Variants in SOX5 observed in about 807,000 individuals in gnomAD.
SOX5 encodes the protein transcription factor SOX-5.
Under a neutral mutation model 92.0 loss-of-function variants are expected in SOX5, and 9 were observed. That is an observed-to-expected ratio of 0.10 (90% CI 0.06 to 0.17). The LOEUF (loss-of-function observed/expected upper bound fraction) is 0.17. SOX5 is among the 10% of genes least tolerant of loss of function. The pLI is 1.00. For missense variants in SOX5, 642 were observed against 944.5 expected, an observed-to-expected ratio of 0.68 and a Z score of 4.20; for synonymous variants, 344 against 336.3, an observed-to-expected ratio of 1.02 and a Z score of -0.25.
chr12:23,935,333 T>C (rs1016179644), intron 1 of SOX5, among the ~76,000 whole-genome samples: 1 of 151,224 alleles, frequency 6.6e-6, no homozygotes, highest in Admixed American at 6.6e-5. Context: ...CATCAACTTT[T>C]CTAAATCAAT....
chr12:23,591,462 T>C (rs1440270309), intron 9 of SOX5, among the ~76,000 whole-genome samples: 3 of 152,118 alleles, frequency 2.0e-5, no homozygotes, highest in South Asian at 4.1e-4. Flanking sequence ...CCATAAATTA[T>C]AGTCCTGGAT....
At chr12:23,922,275 T>C (rs1938529739) in intron 1 of SOX5, among the ~76,000 whole-genome samples, 1 of 152,152 alleles carries the variant, frequency 6.6e-6, no homozygotes, top group African/African-American at 2.4e-5. Context: ...AACAAAATAA[T>C]AGGAAAGAAC....
intron 3 of SOX5, among the ~76,000 whole-genome samples, chr12:24,240,721 T>G (rs1965402126): frequency 1.3e-5 from 2 of 152,170 alleles, no homozygotes; most frequent in South Asian, 4.1e-4. Flanking sequence ...ACACTTCCCT[T>G]GGTGGCAACT....
chr12:23,687,908 G>A (rs2087925077), intron 6 of SOX5, among the ~76,000 whole-genome samples: 1 of 148,632 alleles, frequency 6.7e-6, no homozygotes, highest in Non-Finnish European at 1.5e-5. Flanking sequence ...AAAAGGTTTT[G>A]TTTGGTGTTT....
Position 23,990,443 on chromosome 12 carries a change from C to T in SOX5, c.-1-94419G>A, listed in dbSNP as rs147969855. ...CCATAACTCCCTCGCAATACAATTA[C>T]TTGTCCTTCCCTACAAACACTAGGT... On this transcript the variant is annotated intron_variant, in intron 4 of 4. Transcript: ENST00000446891. Among the ~76,000 whole-genome samples the T allele has an allele frequency of 2.9e-3, 446 of 152,280 alleles. 3 individuals carry two copies. The highest frequency in any genetic ancestry group is 0.01 in the African/African-American group (432 of 41,572).
chr12:24,402,225 C>T (rs537282516), intron 1 of SOX5, among the ~76,000 whole-genome samples: 14 of 152,232 alleles, frequency 9.2e-5, no homozygotes, highest in Non-Finnish European at 1.3e-4. Flanking sequence ...GCACAATTTA[C>T]CTGGAAAGCA....
At chr12:24,348,564 G>A (rs1056173021) in intron 2 of SOX5, among the ~76,000 whole-genome samples, 5 of 151,974 alleles carry the variant, frequency 3.3e-5, no homozygotes, top group Admixed American at 2.0e-4. Context: ...TGTACTTTTA[G>A]TAGAGGCGGT....
At chr12:24,306,680 T>C (rs141640576) in intron 2 of SOX5, among the ~76,000 whole-genome samples, 6 of 152,030 alleles carry the variant, frequency 3.9e-5, no homozygotes. Flanking sequence ...TCCTCTCACA[T>C]CCAAGATAGC....
intron 1 of SOX5, among the ~76,000 whole-genome samples, chr12:24,439,140 A>C (rs1303597086): frequency 6.6e-6 from 1 of 152,228 alleles, no homozygotes; most frequent in African/African-American, 2.4e-5. Context: ...CTCCTTCACC[A>C]GCAAAAGGAT....
rs1270972758 is a variant in SOX5 at position 24,393,269 on chromosome 12, A to G, written c.-250-24630T>C. 6.6e-6 allele frequency among the ~76,000 whole-genome samples: 1 copy of G among 152,182 alleles called. No homozygotes were observed. Among genetic ancestry groups the G allele is most frequent in the Non-Finnish European group, 1.5e-5 (1 of 68,026 alleles). ...ATTCTAAATTCTGTCTACTAAACAA[A>G]TTAGCAAGCTCATCAATAACTGCAC... On this transcript the variant is annotated intron_variant, in intron 1 of 4. Transcript: ENST00000446891. The surrounding 1 kb of genome is among the most constrained non-coding windows in gnomAD (Gnocchi z 5.0).
chr12:23,743,710 C>T (rs1166733262), intron 4 of SOX5, among the ~76,000 whole-genome samples: 1 of 152,160 alleles, frequency 6.6e-6, no homozygotes, highest in Non-Finnish European at 1.5e-5. Context: ...TCAGCACATA[C>T]TCAACACCTA....
At chr12:24,273,289 A>C (rs1346170204) in intron 3 of SOX5, among the ~76,000 whole-genome samples, 2 of 152,132 alleles carry the variant, frequency 1.3e-5, no homozygotes, top group Non-Finnish European at 2.9e-5. Context: ...TTCTTCCTTG[A>C]ATTTGCCTGC....
At chr12:24,240,527 T>G (rs931326142) in intron 3 of SOX5, among the ~76,000 whole-genome samples, 31 of 152,224 alleles carry the variant, frequency 2.0e-4, no homozygotes, top group Non-Finnish European at 3.4e-4. Context: ...GTACAAGTAT[T>G]AAAATTCTTT....
intron 4 of SOX5, among the ~76,000 whole-genome samples, chr12:24,135,747 C>T (rs1406036366): frequency 6.6e-6 from 1 of 152,002 alleles, no homozygotes. Flanking sequence ...ATGGTCTGGA[C>T]CTTCGGAGAA....
At chr12:24,355,280 A>ATTTTTTT (rs1565973053) in intron 2 of SOX5, among the ~76,000 whole-genome samples, 1 of 84,034 alleles carries the variant, frequency 1.2e-5, no homozygotes, top group African/African-American at 5.8e-5. Flanking sequence ...TGAGGGGTGC[A>ATTTTTTT]TCTTTTTTTT....
chr12:23,552,864 C>T (rs141534850), intron 11 of SOX5, among the ~76,000 whole-genome samples: 192 of 152,038 alleles, frequency 1.3e-3, no homozygotes, highest in Non-Finnish European at 2.4e-3. Flanking sequence ...CATTTTCTTT[C>T]AAACCTTCAA....
At chr12:24,441,759 ATTG>A (rs1940639289) in intron 1 of SOX5, among the ~76,000 whole-genome samples, 1 of 152,208 alleles carries the variant, frequency 6.6e-6, no homozygotes, top group Non-Finnish European at 1.5e-5. Flanking sequence ...CATTTTATGC[ATTG>A]TTAACTTTTT....
At chr12:23,746,300 GC>G (rs979420252) in intron 4 of SOX5, among the ~76,000 whole-genome samples, 5 of 151,940 alleles carry the variant, frequency 3.3e-5, no homozygotes, top group African/African-American at 1.2e-4. Flanking sequence ...TACTCCAGAG[GC>G]CTCCCAGCAA....
chr12:23,558,461 T>G (rs1316397766), intron 11 of SOX5, among the ~76,000 whole-genome samples: 1 of 151,694 alleles, frequency 6.6e-6, no homozygotes, highest in Non-Finnish European at 1.5e-5. Flanking sequence ...GGGGATGGGA[T>G]AGCTGTAGGT....
Sources: allele counts gnomAD v4.1 joint callset (sites outside exome capture counted in the v4.1 genomes callset), GRCh38; gene constraint gnomAD v4.1.1; non-coding constraint Gnocchi (gnomAD v3.1); transcripts MANE v1.5; gene names NCBI Gene and HGNC (gene_info 2026-07-23, HGNC 2026-07-21).